The following C16orf74 variants were observed in gnomAD, a reference collection of about 807,000 sequenced individuals.
C16orf74 encodes the protein uncharacterized protein C16orf74.
C16orf74 carries 10 observed loss-of-function variants against 6.5 expected under a neutral mutation model. The ratio of observed to expected loss-of-function variants is 1.54; its 90% confidence interval spans 0.95 to 2.61. The LOEUF is 2.61. C16orf74 is among the 30% of genes most tolerant of loss of function. C16orf74 has a pLI of 0.00. For synonymous variants in C16orf74, 60 were observed against 42.5 expected (o/e 1.41, Z -1.60); for missense variants, 141 against 105.9 (o/e 1.33, Z -1.45).
intron 1 of C16orf74, among the ~76,000 whole-genome samples, chr16:85,744,953 C>T (rs952102353): frequency 6.6e-6 from 1 of 151,168 alleles, no homozygotes; most frequent in African/African-American, 2.4e-5. Flanking sequence ...ACCAGCCTGA[C>T]CAACATGCAG....
chr16:85,708,093 G>A, intron 3 of C16orf74, 27 bp from the exon 4 acceptor site: 1 of 1,539,512 alleles, frequency 6.5e-7, no homozygotes, highest in Non-Finnish European at 8.8e-7. Context: ...ATGGACACCT[G>A]GATGCACCCT....
intron 1 of C16orf74, among the ~76,000 whole-genome samples, chr16:85,736,872 C>T (rs1253606074): frequency 1.3e-5 from 2 of 151,986 alleles, no homozygotes; most frequent in Non-Finnish European, 2.9e-5. Context: ...GGTGAAACCC[C>T]ATCTCTACTA....
At chr16:85,734,299 C>G (rs1410455553) in intron 2 of C16orf74, among the ~76,000 whole-genome samples, 1 of 152,206 alleles carries the variant, frequency 6.6e-6, no homozygotes, top group Non-Finnish European at 1.5e-5. Context: ...CCCCATTTTA[C>G]TGATAAGGAA....
intron 1 of C16orf74, among the ~76,000 whole-genome samples, chr16:85,737,726 G>C (rs930536241): frequency 1.3e-5 from 2 of 152,128 alleles, no homozygotes; most frequent in South Asian, 4.1e-4. Context: ...AGCTACTCAT[G>C]AGTCTTGGGC....
At chr16:85,736,915 G>A (rs1439379271) in intron 1 of C16orf74, among the ~76,000 whole-genome samples, 3 of 152,158 alleles carry the variant, frequency 2.0e-5, no homozygotes, top group Admixed American at 2.0e-4. Flanking sequence ...ATGGTGGTGG[G>A]TGCTTGTAAT....
At chr16:85,750,838 G>A (rs1397423564) in intron 1 of C16orf74, 88 bp downstream of exon 1, 1 of 152,060 alleles carries the variant, frequency 6.6e-6, no homozygotes, top group Non-Finnish European at 1.5e-5. Flanking sequence ...CTTGCGAGGC[G>A]TGGACGCCGC....
intron 1 of C16orf74, chr16:85,744,048 C>T (rs1160110406): frequency 8.6e-6 from 1 of 116,436 alleles, no homozygotes; most frequent in Non-Finnish European, 1.7e-5. Flanking sequence ...AGCGAGACTC[C>T]ATCTCAAAAG....
chr16:85,724,373 G>T (rs967404218), intron 2 of C16orf74, among the ~76,000 whole-genome samples: 4 of 152,184 alleles, frequency 2.6e-5, no homozygotes, highest in African/African-American at 9.7e-5. Context: ...AGGGAACGAG[G>T]GGGAGGCTCT....
intron 2 of C16orf74, among the ~76,000 whole-genome samples, chr16:85,731,442 G>A (rs1160457255): frequency 6.6e-6 from 1 of 152,210 alleles, no homozygotes; most frequent in East Asian, 1.9e-4. Flanking sequence ...TGGTACAGGA[G>A]GGTCACCTGG....
At chr16:85,748,392 G>A (rs1315777017) in intron 1 of C16orf74, among the ~76,000 whole-genome samples, 1 of 151,928 alleles carries the variant, frequency 6.6e-6, no homozygotes, top group Non-Finnish European at 1.5e-5. Context: ...GAGGTCAGGA[G>A]TTTGAGGCCA....
intron 2 of C16orf74, 184 bp from the exon 3 acceptor site, chr16:85,710,491 A>T (rs533328181): frequency 1.9e-6 from 1 of 530,424 alleles, no homozygotes; most frequent in African/African-American, 2.0e-5. Flanking sequence ...ATGAAAAAGG[A>T]GCCCTTGTCA....
Position 85,720,157 on chromosome 16 carries a change from T to C in C16orf74, c.29-9850A>G, listed in dbSNP as rs560330289. On this transcript the variant is annotated intron_variant, in intron 2 of 3. Coordinates refer to ENST00000284245, the MANE Select transcript of C16orf74 (RefSeq NM_206967.3). ...CCTTTTCGAGGCATCCCAGGCCCGA[T>C]AGAGACAGCAGTGGATGTTTTAAAT... 2.0e-3 allele frequency among the ~76,000 whole-genome samples: 299 copies of C among 152,146 alleles called. 1 individual carries two copies. The highest frequency in any genetic ancestry group is 6.6e-3 in the African/African-American group (275 of 41,500).
At chr16:85,738,681 G>A (rs2152064754) in intron 1 of C16orf74, among the ~76,000 whole-genome samples, 1 of 152,016 alleles carries the variant, frequency 6.6e-6, no homozygotes, top group African/African-American at 2.4e-5. Flanking sequence ...ATGCAGGAGA[G>A]AGAATCCTTC....
rs1021477618 is a variant in C16orf74 at position 85,707,672 on chromosome 16, C to T, written c.*336G>A. 8.4e-5 allele frequency: 28 copies of T among 332,480 alleles called. No individual in the cohort carries two copies. Among genetic ancestry groups the T allele is most frequent in the African/African-American group, 3.2e-4 (15 of 46,184 alleles). 20.6% of individuals were successfully genotyped at this position (332,480 alleles called of 1,614,324 possible). On this transcript the variant is annotated 3_prime_UTR_variant, in exon 4 of 4. Transcript: ENST00000284245. ...ATGGCAGGGGCATGTGTTTGCACAG[C>T]CCTGGGGGCTGGGAGGGTGTGTTTG...
chr16:85,714,014 T>A (rs1217478335), intron 2 of C16orf74, among the ~76,000 whole-genome samples: 2 of 152,084 alleles, frequency 1.3e-5, no homozygotes, highest in Admixed American at 1.3e-4. Context: ...TGAACAAACA[T>A]GAGGGTGGTT....
intron 1 of C16orf74, among the ~76,000 whole-genome samples, chr16:85,738,921 T>G (rs941246720): frequency 1.3e-5 from 2 of 152,114 alleles, no homozygotes; most frequent in African/African-American, 4.8e-5. Context: ...TTAGTTAACT[T>G]GCCTAAGGTC....
intron 1 of C16orf74, among the ~76,000 whole-genome samples, chr16:85,743,878 C>A (rs1294182379): frequency 2.0e-5 from 3 of 151,924 alleles, no homozygotes; most frequent in Admixed American, 2.0e-4. Flanking sequence ...ACAGTGAAAC[C>A]CCGTCTCTAC....
intron 1 of C16orf74, chr16:85,743,476 C>A (rs999635609): frequency 6.6e-6 from 1 of 152,178 alleles, no homozygotes; most frequent in Non-Finnish European, 1.5e-5. Context: ...CGACTCCCAG[C>A]ACCCAGGGCT....
At chr16:85,740,506 T>A (rs1242281552) in intron 1 of C16orf74, among the ~76,000 whole-genome samples, 2 of 150,826 alleles carry the variant, frequency 1.3e-5, no homozygotes, top group African/African-American at 4.9e-5. Context: ...ATCGAGACCA[T>A]CCTGGCTATC....
Sources: allele counts gnomAD v4.1 joint callset (sites outside exome capture counted in the v4.1 genomes callset), GRCh38; gene constraint gnomAD v4.1.1; transcripts MANE v1.5; gene names NCBI Gene and HGNC (gene_info 2026-07-23, HGNC 2026-07-21).